Variants in ABCA1 observed in about 807,000 individuals in gnomAD.
ABCA1 encodes ATP binding cassette subfamily A member 1.
In ABCA1, 133 loss-of-function variants were observed where a neutral mutation model predicts 262.5. The ratio of observed to expected loss-of-function variants is 0.51; its 90% CI spans 0.44 to 0.59. The LOEUF (loss-of-function observed/expected upper bound fraction) is 0.59. Among genes scored for constraint, ABCA1 ranks in the 20% least tolerant of loss-of-function variants. The pLI, the probability that ABCA1 is intolerant of heterozygous loss-of-function variation, is 0.00. For missense variants in ABCA1, 2,452 were observed against 2,777.5 expected (o/e 0.88, Z 2.63); for synonymous variants, 1,022 against 1,043.5 (o/e 0.98, Z 0.40).
At chr9:104,909,607 T>TACAC (rs59524252) in intron 1 of ABCA1, among the ~76,000 whole-genome samples, 2,482 of 134,010 alleles carry the variant, frequency 0.019, 34 homozygotes, top group South Asian at 0.047. Flanking sequence ...GCAAAAGAAA[T>TACAC]ACACACACAC....
chr9:104,837,140 A>C lies in ABCA1; in HGVS notation c.1195-44T>G, dbSNP rs758700710. The C allele has an allele frequency of 6.1e-6, 9 of 1,483,046 alleles. No individual in the cohort carries two copies. In the South Asian group the frequency reaches 9.1e-5, roughly 15 times the overall value. The allele number at this position is 1,483,046 out of a possible 1,614,324, so 91.9% of individuals were successfully genotyped here. A position where few individuals can be genotyped will look rare whatever the true frequency, so the allele number is the denominator to read the frequency against. On this transcript the variant is annotated intron_variant, in intron 10 of 49. Transcript: ENST00000374736. ...CCAGGGACCGCAGAAAAAGGAGGAG[A>C]AGCACAGACAATGAGCGTTTGGCTC...
In ABCA1 at chr9:104,902,315, T is replaced by C. The variant is rs564117978; in HGVS notation, c.66+1299A>G. Among the ~76,000 whole-genome samples, 7 of 152,304 alleles carry C rather than the reference T, an allele frequency of 4.6e-5. No homozygotes were observed. The South Asian group carries it at 8.3e-4, about 18-fold the overall frequency. On this transcript the variant is annotated intron_variant, in intron 2 of 49. Transcript: ENST00000374736. Reference sequence around the variant, plus strand: ...TATGATTGTGTTGGCACCAGTATAATTGTAGCAAACTCATGAGGATGGAAC... The same window carrying C: ...TATGATTGTGTTGGCACCAGTATAACTGTAGCAAACTCATGAGGATGGAAC...
intron 1 of ABCA1, among the ~76,000 whole-genome samples, chr9:104,916,895 C>A (rs1466605448): frequency 6.6e-6 from 1 of 152,098 alleles, no homozygotes; most frequent in African/African-American, 2.4e-5. Flanking sequence ...CCTTCTGAGT[C>A]TAAGAAAACT....
At chr9:104,920,841 T>A (rs2472510) in intron 1 of ABCA1, among the ~76,000 whole-genome samples, 8 of 152,024 alleles carry the variant, frequency 5.3e-5, no homozygotes, top group Non-Finnish European at 8.8e-5. Flanking sequence ...CTGAAAACAC[T>A]CGTATGAATA....
chr9:104,799,469 A>G (rs1020774412), intron 36 of ABCA1: 7 of 985,100 alleles, frequency 7.1e-6, no homozygotes, highest in Non-Finnish European at 8.4e-6. Context: ...ACAAGCTAAT[A>G]AAAACATATT....
At position 104,799,971 on chromosome 9, in the gene ABCA1, C is replaced by G; in HGVS notation, c.4791G>C (p.Lys1597Asn). 1 of 1,614,174 alleles carries G rather than the reference C, an allele frequency of 6.2e-7. No homozygotes were observed. Among genetic ancestry groups the G allele is most frequent in the South Asian group, 1.1e-5 (1 of 91,082 alleles). Reference sequence around the variant, plus strand: ...GGAAAGAGCTGATTGCATGCCAGCCCTTGTTATTGAACCACACCTGAAAGA... The same window carrying G: ...GGAAAGAGCTGATTGCATGCCAGCCGTTGTTATTGAACCACACCTGAAAGA... ...KNNVKVWFNN[K>N]GWHAISSFLN... is the part of the protein sequence containing the mutation. Residue 1597 changes from lysine (K) to asparagine (N), a missense_variant, in exon 36 of 50, where the codon AAG becomes AAC. By Grantham distance (94) the Lys-to-Asn change is moderately conservative. This residue lies in a region of ABCA1 where 752 missense variants were observed against 944.5 expected (regional missense o/e 0.80). Coordinates refer to ENST00000374736, the MANE Select transcript of ABCA1 (RefSeq NM_005502.4).
chr9:104,908,192 A>G (rs1369905100), intron 1 of ABCA1, among the ~76,000 whole-genome samples: 1 of 152,184 alleles, frequency 6.6e-6, no homozygotes, highest in East Asian at 1.9e-4. Context: ...TACACTGTGG[A>G]ATTGTAAAAT....
chr9:104,796,555 C>T (rs1829914111), intron 37 of ABCA1, 131 bp from the exon 38 acceptor site: 1 of 752,708 alleles, frequency 1.3e-6, no homozygotes, highest in East Asian at 2.7e-5. Context: ...TTAATGAAGC[C>T]ACATAAACTA....
intron 5 of ABCA1, among the ~76,000 whole-genome samples, chr9:104,862,630 CTGCCG>C (rs1356157036): frequency 1.1e-5 from 1 of 90,348 alleles, no homozygotes; most frequent in Admixed American, 1.2e-4. Flanking sequence ...AAAATGCAGA[CTGCCG>C]GGCCGGGCCG....
intron 10 of ABCA1, 96 bp downstream of exon 10, chr9:104,837,332 G>C: frequency 6.6e-7 from 1 of 1,521,662 alleles, no homozygotes; most frequent in Non-Finnish European, 9.0e-7. Context: ...AGAGCCGTGA[G>C]TATACTTAGC....
chr9:104,897,871 G>A (rs1305898889), intron 2 of ABCA1, among the ~76,000 whole-genome samples: 1 of 152,148 alleles, frequency 6.6e-6, no homozygotes, highest in Non-Finnish European at 1.5e-5. Flanking sequence ...CCAAAGTGCT[G>A]GAATTATAGG....
At position 104,884,513 on chromosome 9, in the gene ABCA1, C is replaced by T. The variant is rs1355624072; in HGVS notation, c.216G>A (p.Gly72=). The T allele has an allele frequency of 1.2e-6, 2 of 1,614,214 alleles. No homozygotes were observed. The highest frequency in any genetic ancestry group is 1.7e-6 in the Non-Finnish European group (2 of 1,180,020). ...AGGGGTTGTTGGCATTACAGATAATCCCCTGAACCCAAGGAAGTGTTCCTG... is the reference window on the plus strand; with the variant it reads ...AGGGGTTGTTGGCATTACAGATAATTCCCTGAACCCAAGGAAGTGTTCCTG... ...PSAGTLPWVQ[G]IICNANNPCF... Residue 72 remains glycine, a synonymous_variant, in exon 4 of 50, where the codon GGG becomes GGA. Transcript: ENST00000374736.
chr9:104,844,595 A>C lies in ABCA1; in HGVS notation c.813+882T>G, dbSNP rs1834694807. Among the ~76,000 whole-genome samples, 4 of 152,258 alleles carry C rather than the reference A, an allele frequency of 2.6e-5. No individual in the cohort carries two copies. The South Asian group carries it at 8.3e-4, about 31-fold the overall frequency. Reference sequence around the variant, plus strand: ...TTTTTGATATTTGAAAAAATGATGCAAGCACCAAAAAATGGGTAGGTTAGA... The same window carrying C: ...TTTTTGATATTTGAAAAAATGATGCCAGCACCAAAAAATGGGTAGGTTAGA... On this transcript the variant is annotated intron_variant, in intron 8 of 49. Coordinates refer to ENST00000374736, the MANE Select transcript of ABCA1 (RefSeq NM_005502.4).
Position 104,827,017 on chromosome 9 carries a change from C to A in ABCA1, c.2268G>T (p.Thr756=). The A allele has an allele frequency of 1.2e-6, 2 of 1,614,140 alleles. No individual in the cohort carries two copies. The highest frequency in any genetic ancestry group is 1.7e-6 in the Non-Finnish European group (2 of 1,180,024). Residue 756 remains threonine, a synonymous_variant, in exon 16 of 50, where the codon ACG becomes ACT. Transcript: ENST00000374736. ...CACACAGGACGTAGGGCAGGTACAG[C>A]GTGAAGTAGATGATGCCCCCACAGG... is the stretch of plus-strand genomic sequence containing the variant. ...AAACGGIIYF[T]LYLPYVLCVA... is the part of the protein sequence containing the mutation.
rs1429091416 is a variant in ABCA1 at position 104,884,501 on chromosome 9, A to G, written c.228T>C (p.Asn76=). ...GGTAACGGAAACAGGGGTTGTTGGC[A>G]TTACAGATAATCCCCTGAACCCAAG... ...TLPWVQGIIC[N]ANNPCFRYPT... Residue 76 remains asparagine (N), a synonymous_variant, in exon 4 of 50, where the codon AAT becomes AAC. Transcript: ENST00000374736. 3 of 1,614,238 alleles carry G rather than the reference A, an allele frequency of 1.9e-6. No homozygotes were observed. Among genetic ancestry groups the G allele is most frequent in the Non-Finnish European group, 8.5e-7 (1 of 1,180,030 alleles).
intron 10 of ABCA1, 100 bp downstream of exon 10, chr9:104,837,328 G>A (rs754666668): frequency 6.0e-6 from 9 of 1,501,348 alleles, no homozygotes; most frequent in Non-Finnish European, 8.2e-6. Flanking sequence ...CAGAAGAGCC[G>A]TGAGTATACT....
intron 1 of ABCA1, among the ~76,000 whole-genome samples, chr9:104,926,011 G>A (rs1278285542): frequency 3.5e-5 from 4 of 113,150 alleles, no homozygotes; most frequent in Non-Finnish European, 7.0e-5. Flanking sequence ...CTAAACTACG[G>A]CCGTTAAAAA....
intron 8 of ABCA1, among the ~76,000 whole-genome samples, chr9:104,842,958 A>G (rs551747677): frequency 6.6e-6 from 1 of 152,108 alleles, no homozygotes; most frequent in Admixed American, 6.5e-5. Context: ...CCTTAAACAC[A>G]TTCCTTAGGC....
At chr9:104,835,274 G>A (rs1031204901) in intron 11 of ABCA1, among the ~76,000 whole-genome samples, 8 of 151,550 alleles carry the variant, frequency 5.3e-5, no homozygotes, top group Non-Finnish European at 1.2e-4. Context: ...GAAAGAGAGG[G>A]AAGAAGCAAA....
Sources: allele counts gnomAD v4.1 joint callset (sites outside exome capture counted in the v4.1 genomes callset), GRCh38; gene constraint gnomAD v4.1.1; regional missense constraint gnomAD v4.1.1; transcripts MANE v1.5; gene names NCBI Gene and HGNC (gene_info 2026-07-23, HGNC 2026-07-21).